The following STK25 variants were observed in gnomAD, a reference collection of about 807,000 sequenced individuals.
STK25 encodes serine/threonine kinase 25.
In STK25, 29 loss-of-function variants were observed where a neutral mutation model predicts 53.8. The ratio of observed to expected loss-of-function variants is 0.54; its 90% CI spans 0.40 to 0.74. The LOEUF (loss-of-function observed/expected upper bound fraction) is 0.74, where lower values mean the gene tolerates loss of function less well. Among genes scored for constraint, STK25 ranks in the 30% least tolerant of loss-of-function variants. The probability of loss-of-function intolerance (pLI) is 0.00; values close to 1 mark genes in which losing one functional copy is unlikely to be tolerated. For synonymous variants in STK25, 247 were observed against 238.3 expected (o/e 1.04, Z -0.33); for missense variants, 420 against 568.0 (o/e 0.74, Z 2.65).
chr2:241,499,918 C>A (rs2065404910), intron 5 of STK25: 1 of 593,184 alleles, frequency 1.7e-6, no homozygotes. Flanking sequence ...CACAGGGAAC[C>A]AACAACTCCA....
At chr2:241,504,629 C>A (rs910266483) in intron 2 of STK25, among the ~76,000 whole-genome samples, 2 of 152,194 alleles carry the variant, frequency 1.3e-5, no homozygotes, top group Non-Finnish European at 2.9e-5. Context: ...GGAAAGTCAA[C>A]CCAGAACATG....
Position 241,501,759 on chromosome 2 carries a change from C to G in STK25, c.31-51G>C, listed in dbSNP as rs770954975. The G allele has an allele frequency of 3.4e-6, 5 of 1,476,950 alleles. No individual in the cohort carries two copies. The highest frequency in any genetic ancestry group is 3.7e-6 in the Non-Finnish European group (4 of 1,069,592). The allele number at this position is 1,476,950 out of a possible 1,614,324, so 91.5% of individuals were successfully genotyped here. ...GGCAGACAGCGCCGGTCACAAGAGG[C>G]GGGGGACAGGCAGAGGCTGCCCTGC... On this transcript the variant is annotated intron_variant, in intron 2 of 11. Transcript: ENST00000316586. The surrounding 1 kb of genome is among the most constrained non-coding windows in gnomAD (Gnocchi z 5.3).
Position 241,500,300 on chromosome 2 carries a change from C to G in STK25, c.319-19G>C, listed in dbSNP as rs376880227. The G allele has an allele frequency of 3.2e-6, 5 of 1,578,526 alleles. No individual in the cohort carries two copies. Among genetic ancestry groups the G allele is most frequent in the African/African-American group, 1.3e-5 (1 of 74,190 alleles). ...GTTTAAGCTGGAGAGGAAGGTGCGA[C>G]AGCAGGGCCTCAGCTCCTGTCCCAG... On this transcript the variant is annotated intron_variant, in intron 4 of 11. Transcript: ENST00000316586.
intron 6 of STK25, 40 bp downstream of exon 6, chr2:241,499,217 C>A: frequency 6.2e-7 from 1 of 1,613,790 alleles, no homozygotes; most frequent in Non-Finnish European, 8.5e-7. Flanking sequence ...AGCACCCGAG[C>A]CAGGCATGGT....
chr2:241,502,318 T>C (rs1326879101), intron 2 of STK25, among the ~76,000 whole-genome samples: 3 of 152,130 alleles, frequency 2.0e-5, no homozygotes, highest in African/African-American at 7.2e-5. Context: ...GGCATGAAGG[T>C]TGCCTCATCT....
chr2:241,499,698 C>T, intron 5 of STK25: 3 of 531,526 alleles, frequency 5.6e-6, no homozygotes, highest in South Asian at 2.1e-5. Flanking sequence ...TGGGGGCTAC[C>T]GCAGAGGTGA....
chr2:241,504,816 T>C (rs1026516298), intron 2 of STK25, among the ~76,000 whole-genome samples: 1 of 152,180 alleles, frequency 6.6e-6, no homozygotes, highest in Non-Finnish European at 1.5e-5. Flanking sequence ...ATCATCTCCG[T>C]TTCCTCCTCC....
rs547156040 is a variant in STK25 at position 241,493,381 on chromosome 2, T to C, written c.*2281A>G. 11 of 1,614,000 alleles carry C rather than the reference T, an allele frequency of 6.8e-6. No homozygotes were observed. The highest frequency in any genetic ancestry group is 1.6e-4 in the Middle Eastern group (1 of 6,062). ...GATGGCATACACAAAGACTATGTTT[T>C]CAAGCTCCAGTTCAAATCCCACGTC... On this transcript the variant is annotated 3_prime_UTR_variant, in exon 12 of 12. Transcript: ENST00000316586.
chr2:241,493,786 AG>A lies in STK25; in HGVS notation c.*1875del. 1 of 485,968 alleles carries A rather than the reference AG, an allele frequency of 2.1e-6. No individual in the cohort carries two copies. The highest frequency in any genetic ancestry group is 3.7e-6 in the Non-Finnish European group (1 of 272,904). 30.1% of individuals were successfully genotyped at this position (485,968 alleles called of 1,614,324 possible). A position where few individuals can be genotyped will look rare whatever the true frequency, so the allele number is the denominator to read the frequency against. On this transcript the variant is annotated 3_prime_UTR_variant, in exon 12 of 12. Coordinates refer to ENST00000316586, the MANE Select transcript of STK25 (RefSeq NM_001271977.2). ...TAATTTTTGTATTTTTAGTAGAGACAGGGTTTCACCATGTTGGCCAGGCTGG... is the reference window on the plus strand; with the variant it reads ...TAATTTTTGTATTTTTAGTAGAGACAGGTTTCACCATGTTGGCCAGGCTGG...
chr2:241,499,073 C>G lies in STK25; in HGVS notation c.687G>C (p.Lys229Asn), dbSNP rs371394698. 7 of 1,614,126 alleles carry G rather than the reference C, an allele frequency of 4.3e-6. No homozygotes were observed. The highest frequency in any genetic ancestry group is 5.1e-6 in the Non-Finnish European group (6 of 1,180,010). The change falls in exon 7 of 12, where the codon AAG becomes AAC. Residue 229 changes from lysine (K) to asparagine (N), a missense_variant. Coordinates refer to ENST00000316586, the MANE Select transcript of STK25 (RefSeq NM_001271977.2). ...HPMRVLFLIP[K>N]NSPPTLEGQH... Reference sequence around the variant, plus strand: ...GGCCCTCCAGTGTGGGTGGGCTGTTCTTGGGAATCAGGAACAGGACGCGCA... The same window carrying G: ...GGCCCTCCAGTGTGGGTGGGCTGTTGTTGGGAATCAGGAACAGGACGCGCA...
rs375470303 is a variant in STK25 at position 241,494,133 on chromosome 2, C to T, written c.*1529G>A. 65 of 1,458,196 alleles carry T rather than the reference C, an allele frequency of 4.5e-5. No homozygotes were observed. The highest frequency in any genetic ancestry group is 5.6e-5 in the Non-Finnish European group (62 of 1,103,240). The allele number at this position is 1,458,196 out of a possible 1,614,324, so 90.3% of individuals were successfully genotyped here. A position where few individuals can be genotyped will look rare whatever the true frequency, so the allele number is the denominator to read the frequency against. On this transcript the variant is annotated 3_prime_UTR_variant, in exon 12 of 12. Coordinates refer to ENST00000316586, the MANE Select transcript of STK25 (RefSeq NM_001271977.2). This position sits in a 1 kb window ranked among gnomAD's most constrained non-coding sequence, Gnocchi z 4.9. ...AGGGGGAAGGAGGAATGACGCTCAACCTGCCCAGGTTTGGACACAACTACA... is the reference window on the plus strand; with the variant it reads ...AGGGGGAAGGAGGAATGACGCTCAATCTGCCCAGGTTTGGACACAACTACA...
At chr2:241,498,618 G>A (rs2065322892) in intron 8 of STK25, 21 bp downstream of exon 8, 8 of 1,604,772 alleles carry the variant, frequency 5.0e-6, no homozygotes, top group Non-Finnish European at 6.0e-6. Flanking sequence ...GGGTCACCAT[G>A]AGGATAAACC....
rs766189177 is a variant in STK25 at position 241,498,364 on chromosome 2, G to A, written c.918-15C>T. On this transcript the variant is annotated splice_polypyrimidine_tract_variant and intron_variant, in intron 8 of 11. Coordinates refer to ENST00000316586, the MANE Select transcript of STK25 (RefSeq NM_001271977.2). The stretch of plus-strand genomic sequence containing the variant: ...CCTCGCCATCACTGAAGAGGATGAG[G>A]AGTTGCCAGGGCCAGTGGGGAGAGG... 7 of 1,564,588 alleles carry A rather than the reference G, an allele frequency of 4.5e-6. No individual in the cohort carries two copies. The highest frequency in any genetic ancestry group is 6.1e-6 in the Non-Finnish European group (7 of 1,148,694).
At position 241,501,721 on chromosome 2, in the gene STK25, G is replaced by C. The variant is rs1421826191; in HGVS notation, c.31-13C>G. ...CCACTCGAGAGTGCTGTGGGGCCAG[G>C]GCGGGGACAGAGGGCAGACAGCGCC... On this transcript the variant is annotated splice_polypyrimidine_tract_variant and intron_variant, in intron 2 of 11. Coordinates refer to ENST00000316586, the MANE Select transcript of STK25 (RefSeq NM_001271977.2). The surrounding 1 kb of genome is among the most constrained non-coding windows in gnomAD (Gnocchi z 5.3). The C allele has an allele frequency of 1.2e-6, 2 of 1,604,400 alleles. No homozygotes were observed. The highest frequency in any genetic ancestry group is 1.7e-6 in the Non-Finnish European group (2 of 1,173,108).
At chr2:241,507,903 C>T in intron 2 of STK25, 103 bp downstream of exon 2, 1 of 1,240,738 alleles carries the variant, frequency 8.1e-7, no homozygotes, top group Non-Finnish European at 1.1e-6. Context: ...CCTTCCCTCA[C>T]CCCACTGCCC....
At chr2:241,508,872 G>T (rs892458928), upstream of STK25, among the ~76,000 whole-genome samples, 3 of 152,150 alleles carry the variant, frequency 2.0e-5, no homozygotes, top group Admixed American at 6.5e-5. Flanking sequence ...TCGCCCTCGC[G>T]GGTCTTCTGC....
chr2:241,504,902 G>A (rs2065729158), intron 2 of STK25, among the ~76,000 whole-genome samples: 1 of 151,424 alleles, frequency 6.6e-6, no homozygotes, highest in South Asian at 2.1e-4. Context: ...ACAAGGTTAA[G>A]AAGCAGCCCC....
At chr2:241,503,210 T>C (rs1423940742) in intron 2 of STK25, among the ~76,000 whole-genome samples, 1 of 152,068 alleles carries the variant, frequency 6.6e-6, no homozygotes, top group Non-Finnish European at 1.5e-5. Context: ...ATTACAGGCA[T>C]GCACCACCAC....
intron 10 of STK25, 105 bp downstream of exon 10, chr2:241,497,493 CAGCTGCAGGAAAGCTAGA>C (rs1336556369): frequency 4.1e-6 from 4 of 978,844 alleles, no homozygotes; most frequent in Non-Finnish European, 6.4e-6. Context: ...AGCCCACAAT[CAGCTGCAGGAAAGCTAGA>C]AGCTGAAACC....
Sources: gnomAD v4.1 joint callset for allele counts (sites outside exome capture counted in the v4.1 genomes callset) on GRCh38, gnomAD v4.1.1 for gene constraint, Gnocchi (gnomAD v3.1) non-coding constraint, MANE v1.5 for transcripts, NCBI Gene and HGNC (gene_info 2026-07-23, HGNC 2026-07-21) for gene names.